The following CNTRL variants were observed in gnomAD, a reference collection of about 807,000 sequenced individuals.
CNTRL encodes 110 kDa centrosomal protein.
In CNTRL, 233 loss-of-function variants were observed where a neutral mutation model predicts 303.7. That is an observed-to-expected ratio of 0.77 (90% confidence interval 0.69 to 0.86). The LOEUF (loss-of-function observed/expected upper bound fraction) is 0.86. Among genes scored for constraint, CNTRL ranks in the 40% least tolerant of loss-of-function variants. The probability of loss-of-function intolerance (pLI) is 0.00; values close to 1 mark genes in which losing one functional copy is unlikely to be tolerated. For synonymous variants in CNTRL, 900 were observed against 922.2 expected (o/e 0.98, Z 0.44); for missense variants, 2,524 against 2,650.6 (o/e 0.95, Z 1.05).
chr9:121,107,689 G>C (rs765206732), intron 7 of CNTRL, 113 bp from the exon 8 acceptor site: 5 of 713,460 alleles, frequency 7.0e-6, no homozygotes, highest in Non-Finnish European at 8.6e-6. Context: ...TTTAAAAGTA[G>C]AATTGTATTT....
intron 40 of CNTRL, 31 bp downstream of exon 40, chr9:121,171,579 C>A: frequency 6.2e-7 from 1 of 1,606,280 alleles, no homozygotes; most frequent in East Asian, 2.2e-5. Flanking sequence ...GCTGGCCAGC[C>A]TGGGGAGAGA....
rs765351343 is a variant in CNTRL at position 121,160,225 on chromosome 9, C to T, written c.5012C>T (p.Thr1671Ile). ...VQISERKTQLTLIKQEIEKEE... is the reference protein window; with the variant it reads ...VQISERKTQLILIKQEIEKEE... ...ATTAGTGAAAGAAAAACTCAACTTA[C>T]ACTTATAAAGCAGGAAATTGAAAAA... is the stretch of plus-strand genomic sequence containing the variant. Residue 1671 changes from threonine (T) to isoleucine (I), a missense_variant, in exon 32 of 44, where the codon ACA (threonine) becomes ATA (isoleucine). Coordinates refer to ENST00000373855, the MANE Select transcript of CNTRL (RefSeq NM_007018.6). 35 of 1,562,988 alleles carry T rather than the reference C, an allele frequency of 2.2e-5. No individual in the cohort carries two copies. The highest frequency in any genetic ancestry group is 2.9e-5 in the Non-Finnish European group (34 of 1,159,688).
chr9:121,093,851 T>C (rs1287796500), intron 4 of CNTRL, among the ~76,000 whole-genome samples: 2 of 152,112 alleles, frequency 1.3e-5, no homozygotes, highest in Admixed American at 6.5e-5. Flanking sequence ...TGCAAGGGCA[T>C]TGGGGGAGGA....
At position 121,096,418 on chromosome 9, in the gene CNTRL, C is replaced by A. The variant is rs952494898; in HGVS notation, c.480-4C>A. ...TAAATTTTATTTTATCCTTTGCTTT[C>A]CAGCAAAATTGAAGGCATAGAAAAT... is the stretch of plus-strand genomic sequence containing the variant. On this transcript the variant is annotated splice_polypyrimidine_tract_variant and splice_region_variant and intron_variant, in intron 5 of 43. Transcript: ENST00000373855. The A allele has an allele frequency of 6.6e-7, 1 of 1,505,946 alleles. No homozygotes were observed. 93.3% of individuals were successfully genotyped at this position (1,505,946 alleles called of 1,614,324 possible).
intron 26 of CNTRL, among the ~76,000 whole-genome samples, chr9:121,153,903 T>G (rs2052423479): frequency 1.3e-5 from 2 of 152,284 alleles, no homozygotes; most frequent in Middle Eastern, 3.4e-3. Flanking sequence ...AGGGGCTAGA[T>G]GTTTGAAGGT....
rs2048829695 is a variant in CNTRL, at chr9:121,095,018, G to A, written c.479G>A (p.Ser160Asn). Reference protein sequence around the residue: ...RELNLSYNKISKIEGIENMCN... With the variant: ...RELNLSYNKINKIEGIENMCN... ...CTCAACTTATCATATAACAAAATCAGGTGAGTTATATAACAAAATCTTTAG... is the reference window on the plus strand; with the variant it reads ...CTCAACTTATCATATAACAAAATCAAGTGAGTTATATAACAAAATCTTTAG... The change falls in exon 5 of 44, where the codon AGC (serine) becomes AAC (asparagine). Residue 160 changes from serine to asparagine, a missense_variant and splice_region_variant. Physicochemically the swap from Ser to Asn is conservative, Grantham distance 46. Transcript: ENST00000373855. 4 of 1,594,532 alleles carry A rather than the reference G, an allele frequency of 2.5e-6. No individual in the cohort carries two copies. In the South Asian group the frequency reaches 3.4e-5, roughly 14 times the overall value.
At chr9:121,135,411 A>G (rs2051130845) in intron 14 of CNTRL, among the ~76,000 whole-genome samples, 1 of 152,248 alleles carries the variant, frequency 6.6e-6, no homozygotes, top group South Asian at 2.1e-4. Flanking sequence ...AAGTTGCCTT[A>G]TACAGTTATT....
In CNTRL at chr9:121,096,512, G is replaced by A; in HGVS notation, c.570G>A (p.Lys190=). 1 of 1,552,430 alleles carries A rather than the reference G, an allele frequency of 6.4e-7. No individual in the cohort carries two copies. Residue 190 remains lysine, a synonymous_variant, in exon 6 of 44, where the codon AAG becomes AAA. Coordinates refer to ENST00000373855, the MANE Select transcript of CNTRL (RefSeq NM_007018.6). ...EIEHIPVWLG[K]KLKSLRVLNL... is the part of the protein sequence containing the mutation. ...AGCATATTCCAGTATGGTTAGGGAA[G>A]AAGTTAAAATCTTTGCGAGTCCTCA...
chr9:121,092,757 A>G (rs1250517002), intron 4 of CNTRL, among the ~76,000 whole-genome samples: 1 of 97,668 alleles, frequency 1.0e-5, no homozygotes, highest in Non-Finnish European at 1.9e-5. Flanking sequence ...TATAATATAT[A>G]TCTATATATA....
Position 121,167,567 on chromosome 9 carries a change from G to T in CNTRL, c.5734G>T (p.Ala1912Ser), listed in dbSNP as rs765433331. The change falls in exon 37 of 44, where the codon GCA becomes TCA. Residue 1912 changes from alanine (A) to serine (S), a missense_variant. Physicochemically the swap from Ala to Ser is moderately conservative, Grantham distance 99. Transcript: ENST00000373855. ...TRLQKDISEW[A>S]NRFEDCQKEE... is the part of the protein sequence containing the mutation. The stretch of plus-strand genomic sequence containing the variant: ...ACTCCAGAAGGACATCAGTGAATGG[G>T]CAAATAGGTTTGAAGACTGTCAGAA... 16 of 1,614,030 alleles carry T rather than the reference G, an allele frequency of 9.9e-6. No homozygotes were observed. In the East Asian group the frequency reaches 3.6e-4, roughly 36 times the overall value.
chr9:121,120,145 T>A (rs2050165176), intron 12 of CNTRL, among the ~76,000 whole-genome samples: 1 of 152,074 alleles, frequency 6.6e-6, no homozygotes, highest in South Asian at 2.1e-4. Context: ...AACTTTAAGA[T>A]CTCTGGATTA....
At chr9:121,128,535 A>T (rs2050670208) in intron 14 of CNTRL, among the ~76,000 whole-genome samples, 1 of 152,000 alleles carries the variant, frequency 6.6e-6, no homozygotes, top group Non-Finnish European at 1.5e-5. Context: ...TAGATTCTGG[A>T]TATTAGCCCT....
chr9:121,093,164 TTATTC>T (rs2048741529), intron 4 of CNTRL, among the ~76,000 whole-genome samples: 1 of 152,142 alleles, frequency 6.6e-6, no homozygotes, highest in Non-Finnish European at 1.5e-5. Flanking sequence ...TTTGTTTTCT[TTATTC>T]ACTACTTTGT....
chr9:121,138,802 G>T, intron 16 of CNTRL, 123 bp downstream of exon 16: 1 of 905,668 alleles, frequency 1.1e-6, no homozygotes, highest in South Asian at 1.8e-5. Context: ...CTAGAAAAAA[G>T]GGAATTCTGG....
intron 7 of CNTRL, among the ~76,000 whole-genome samples, chr9:121,101,177 G>T (rs976431178): frequency 6.6e-6 from 1 of 152,122 alleles, no homozygotes; most frequent in African/African-American, 2.4e-5. Context: ...AAATGTAAAA[G>T]AACAGAAATT....
chr9:121,173,169 G>A, intron 40 of CNTRL, 74 bp from the exon 41 acceptor site: 1 of 1,301,556 alleles, frequency 7.7e-7, no homozygotes, highest in South Asian at 1.4e-5. Context: ...TAAATACATG[G>A]CACATCATAC....
chr9:121,093,030 A>G (rs1271174057), intron 4 of CNTRL, among the ~76,000 whole-genome samples: 1 of 150,574 alleles, frequency 6.6e-6, no homozygotes, highest in Non-Finnish European at 1.5e-5. Context: ...GATGGTCTCG[A>G]TCTCCTGACC....
At chr9:121,166,315 C>A (rs1338145512) in intron 36 of CNTRL, 135 bp downstream of exon 36, 4 of 586,268 alleles carry the variant, frequency 6.8e-6, no homozygotes, top group African/African-American at 5.8e-5. Flanking sequence ...GTAACATAAC[C>A]ATCACATAAA....
Position 121,173,329 on chromosome 9 carries a change from C to T in CNTRL, c.6504C>T (p.Ile2168=). ...RTLKSEVKDE[I]RTSLKNLNQF... is the part of the protein sequence containing the mutation. ...TTAAATCTGAGGTGAAGGATGAAATCAGAACCAGCTTGAAGAATCTTAATC... is the reference window on the plus strand; with the variant it reads ...TTAAATCTGAGGTGAAGGATGAAATTAGAACCAGCTTGAAGAATCTTAATC... Residue 2168 remains isoleucine, a synonymous_variant, in exon 41 of 44, where the codon ATC becomes ATT. Transcript: ENST00000373855. 1 of 1,614,114 alleles carries T rather than the reference C, an allele frequency of 6.2e-7. No individual in the cohort carries two copies. The highest frequency in any genetic ancestry group is 1.3e-5 in the African/African-American group (1 of 75,040).
Sources: gnomAD v4.1 joint callset for allele counts (sites outside exome capture counted in the v4.1 genomes callset) on GRCh38, gnomAD v4.1.1 for gene constraint, MANE v1.5 for transcripts, NCBI Gene and HGNC (gene_info 2026-07-23, HGNC 2026-07-21) for gene names.